Variants in FSTL5 observed in about 807,000 individuals in gnomAD.
FSTL5 encodes the protein follistatin like 5.
A neutral mutation model predicts 89.1 loss-of-function variants in FSTL5; 62 were observed. The ratio of observed to expected loss-of-function variants is 0.70; its 90% CI spans 0.57 to 0.86. FSTL5 has a LOEUF of 0.86. FSTL5 is among the 40% of genes least tolerant of loss of function. FSTL5 has a pLI of 0.00. For missense variants in FSTL5, 1,057 were observed against 1,001.6 expected (o/e 1.06, Z -0.75); for synonymous variants, 383 against 346.2 (o/e 1.11, Z -1.18).
chr4:162,148,056 G>A (rs1331967479), intron 1 of FSTL5, among the ~76,000 whole-genome samples: 1 of 152,064 alleles, frequency 6.6e-6, no homozygotes, highest in Non-Finnish European at 1.5e-5. Flanking sequence ...GCAAATAAAA[G>A]ACATTTATAC....
At chr4:161,569,799 A>C (rs4266251) in intron 8 of FSTL5, among the ~76,000 whole-genome samples, 24,576 of 124,186 alleles carry the variant, frequency 0.2, 2,333 homozygotes, top group Non-Finnish European at 0.26. Context: ...ACACACACAC[A>C]CCCCACATTG....
chr4:162,075,456 A>C lies in FSTL5; in HGVS notation c.126+35815T>G, dbSNP rs1729797398. Among the ~76,000 whole-genome samples, 3 of 151,920 alleles carry C rather than the reference A, an allele frequency of 2.0e-5. No homozygotes were observed. The South Asian group carries it at 6.2e-4, about 32-fold the overall frequency. On this transcript the variant is annotated intron_variant, in intron 2 of 15. Transcript: ENST00000306100. ...ATTCCAGTGTCCAGGTGTCAGCTCCATGATGATCTGAGGCAGATGTAGAGA... is the reference window on the plus strand; with the variant it reads ...ATTCCAGTGTCCAGGTGTCAGCTCCCTGATGATCTGAGGCAGATGTAGAGA...
chr4:161,940,742 T>G (rs113622484), intron 3 of FSTL5, among the ~76,000 whole-genome samples: 2 of 151,836 alleles, frequency 1.3e-5, no homozygotes, highest in African/African-American at 4.8e-5. Flanking sequence ...TAGTAGACCT[T>G]CACTCCAAGA....
At chr4:161,516,837 CCAAACAT>C (rs1730859873) in intron 10 of FSTL5, among the ~76,000 whole-genome samples, 1 of 150,828 alleles carries the variant, frequency 6.6e-6, no homozygotes, top group Non-Finnish European at 1.5e-5. Context: ...AACTCACATT[CCAAACAT>C]CAAGACTTTT....
chr4:161,764,394 G>A (rs574748268), intron 5 of FSTL5, among the ~76,000 whole-genome samples: 1 of 152,076 alleles, frequency 6.6e-6, no homozygotes, highest in East Asian at 1.9e-4. Context: ...GAGTAGCTGG[G>A]ACTACAGGCT....
chr4:161,807,779 C>T (rs1035676300), intron 4 of FSTL5, among the ~76,000 whole-genome samples: 1 of 152,084 alleles, frequency 6.6e-6, no homozygotes, highest in African/African-American at 2.4e-5. Flanking sequence ...ATAAAGAAGA[C>T]AGATATGAGT....
At chr4:162,142,348 C>G (rs1732783073) in intron 1 of FSTL5, among the ~76,000 whole-genome samples, 1 of 151,980 alleles carries the variant, frequency 6.6e-6, no homozygotes, top group South Asian at 2.1e-4. Flanking sequence ...AGCAATTGAC[C>G]CCAAGGTATT....
intron 5 of FSTL5, among the ~76,000 whole-genome samples, chr4:161,765,501 A>C (rs895163495): frequency 1.3e-5 from 2 of 152,160 alleles, no homozygotes; most frequent in Non-Finnish European, 2.9e-5. Context: ...TTAACTGTTC[A>C]TTTCCCCTTG....
At chr4:161,508,978 T>TTGCC (rs1388324663) in intron 11 of FSTL5, among the ~76,000 whole-genome samples, 3 of 152,170 alleles carry the variant, frequency 2.0e-5, no homozygotes, top group Non-Finnish European at 4.4e-5. Context: ...TTTAAAATGC[T>TTGCC]CAGAGAAATC....
At chr4:161,554,544 A>G (rs1165939491) in intron 8 of FSTL5, among the ~76,000 whole-genome samples, 1 of 151,652 alleles carries the variant, frequency 6.6e-6, no homozygotes, top group Non-Finnish European at 1.5e-5. Context: ...TTTAGTCAAG[A>G]GGCAGGGATC....
chr4:161,564,768 G>A (rs1375301178), intron 8 of FSTL5, among the ~76,000 whole-genome samples: 5 of 151,616 alleles, frequency 3.3e-5, no homozygotes, highest in African/African-American at 1.2e-4. Context: ...TTGTAGGGGA[G>A]ATGCCTATTG....
chr4:161,706,392 T>C (rs567854667), intron 6 of FSTL5, among the ~76,000 whole-genome samples: 4 of 152,070 alleles, frequency 2.6e-5, no homozygotes, highest in African/African-American at 9.6e-5. Flanking sequence ...TAGAAATAAT[T>C]TATCCTCAAT....
intron 4 of FSTL5, among the ~76,000 whole-genome samples, chr4:161,779,761 A>T (rs1425700325): frequency 3.2e-4 from 3 of 9,406 alleles, no homozygotes; most frequent in South Asian, 3.6e-3. Flanking sequence ...TTGTAAAGTT[A>T]TATATATATA....
At chr4:161,666,809 GT>G (rs1736911372) in intron 6 of FSTL5, among the ~76,000 whole-genome samples, 2 of 151,920 alleles carry the variant, frequency 1.3e-5, no homozygotes, top group South Asian at 4.1e-4. Context: ...AGTTCTGAAA[GT>G]AATTAGGAGA....
At chr4:161,535,042 G>T (rs1047114291) in intron 10 of FSTL5, among the ~76,000 whole-genome samples, 4 of 151,986 alleles carry the variant, frequency 2.6e-5, no homozygotes, top group East Asian at 3.9e-4. Context: ...AAACTGTACC[G>T]CTACCTCTTA....
At chr4:161,604,511 C>T (rs1431184711) in intron 7 of FSTL5, among the ~76,000 whole-genome samples, 9 of 152,112 alleles carry the variant, frequency 5.9e-5, no homozygotes, top group African/African-American at 1.9e-4. Flanking sequence ...ACCACCATCC[C>T]TTGGAATGAC....
chr4:161,903,209 CTTATG>C (rs1733421668), intron 4 of FSTL5, among the ~76,000 whole-genome samples: 1 of 151,772 alleles, frequency 6.6e-6, no homozygotes, highest in Non-Finnish European at 1.5e-5. Flanking sequence ...AATCAGTCTC[CTTATG>C]TTATGTGCCA....
intron 2 of FSTL5, among the ~76,000 whole-genome samples, chr4:162,100,029 C>T (rs1730925775): frequency 6.6e-6 from 1 of 152,148 alleles, no homozygotes; most frequent in African/African-American, 2.4e-5. Flanking sequence ...CAAAACTAAA[C>T]ATATGTTGAC....
chr4:161,587,496 C>G lies in FSTL5; in HGVS notation c.974G>C (p.Gly325Ala). The G allele has an allele frequency of 6.2e-7, 1 of 1,612,802 alleles. No homozygotes were observed. Among genetic ancestry groups the G allele is most frequent in the Non-Finnish European group, 8.5e-7 (1 of 1,179,068 alleles). ...HVGNYTCYAD[G>A]YEQVYQTHIF... ...GTGAGTCTGATAGACTTGTTCATAG[C>G]CATCTGCATAGCAGGTGTAATTGCC... is the stretch of plus-strand genomic sequence containing the variant. Residue 325 changes from glycine (G) to alanine (A), a missense_variant, in exon 8 of 16, where the codon GGC (glycine) becomes GCC (alanine). Around this residue, in one of 3 missense-constraint regions of FSTL5, gnomAD observed 980 missense variants for 903.2 expected, o/e 1.08. Coordinates refer to ENST00000306100, the MANE Select transcript of FSTL5 (RefSeq NM_020116.5).
Sources: gnomAD v4.1 joint callset for allele counts (sites outside exome capture counted in the v4.1 genomes callset) on GRCh38, gnomAD v4.1.1 for gene constraint, gnomAD v4.1.1 regional missense constraint, MANE v1.5 for transcripts, NCBI Gene and HGNC (gene_info 2026-07-23, HGNC 2026-07-21) for gene names.